Variants in TYW3 observed in about 807,000 individuals in gnomAD.
TYW3 encodes tRNA wybutosine-synthesizing protein 3 homolog.
Under a neutral mutation model 23.1 loss-of-function variants are expected in TYW3, and 26 were observed. The ratio of observed to expected loss-of-function variants is 1.13; its 90% CI spans 0.83 to 1.56. The LOEUF (loss-of-function observed/expected upper bound fraction) is 1.56, where lower values mean the gene tolerates loss of function less well. Ranked by LOEUF, TYW3 falls within the 40% of genes most tolerant of loss-of-function variation. The pLI, the probability that TYW3 is intolerant of heterozygous loss-of-function variation, is 0.00. For synonymous variants in TYW3, 102 were observed against 105.7 expected (o/e 0.97, Z 0.21); for missense variants, 316 against 311.9 (o/e 1.01, Z -0.10).
rs575813978 is a variant in TYW3 at position 74,747,609 on chromosome 1, C to A, written c.355-1142C>A. 1.6e-3 allele frequency among the ~76,000 whole-genome samples: 241 copies of A among 147,906 alleles called. 1 individual carries two copies. The highest frequency in any genetic ancestry group is 5.8e-3 in the African/African-American group (233 of 40,120). The stretch of plus-strand genomic sequence containing the variant: ...CCGAGATCCCGCCACTGCACTCCAG[C>A]CTGGGCGACAGAGCGAGACTCCGTC... On this transcript the variant is annotated intron_variant, in intron 3 of 5. Transcript: ENST00000370867.
chr1:74,733,339 A>C lies in TYW3; in HGVS notation c.95A>C (p.Glu32Ala), dbSNP rs143670067. Residue 32 changes from glutamate (E) to alanine (A), a missense_variant, in exon 1 of 6, where the codon GAG becomes GCG. Physicochemically the swap from Glu to Ala is moderately radical, Grantham distance 107. Coordinates refer to ENST00000370867, the MANE Select transcript of TYW3 (RefSeq NM_138467.3). The part of the protein sequence containing the change: ...RKGSVDEDVV[E>A]LVQFLNMRDQ... ...GGCAGTGTTGACGAGGATGTGGTAG[A>C]GCTTGTGCAGTTTCTGAACATGCGA... is the stretch of plus-strand genomic sequence containing the variant. 2.8e-3 allele frequency: 4,501 copies of C among 1,614,160 alleles called. 3 individuals are homozygous for C. The highest frequency in any genetic ancestry group is 3.4e-3 in the Non-Finnish European group (4,044 of 1,180,018).
In TYW3 at chr1:74,733,338, G is replaced by C. The variant is rs770407032; in HGVS notation, c.94G>C (p.Glu32Gln). 3.2e-5 allele frequency: 52 copies of C among 1,614,110 alleles called. No homozygotes were observed. Among genetic ancestry groups the C allele is most frequent in the Admixed American group, 1.3e-4 (8 of 60,008 alleles). The part of the protein sequence containing the change: ...RKGSVDEDVV[E>Q]LVQFLNMRDQ... The stretch of plus-strand genomic sequence containing the variant: ...GGGCAGTGTTGACGAGGATGTGGTA[G>C]AGCTTGTGCAGTTTCTGAACATGCG... The change falls in exon 1 of 6, where the codon GAG becomes CAG. Residue 32 changes from glutamate to glutamine, a missense_variant. By Grantham distance (29) the Glu-to-Gln change is conservative. Transcript: ENST00000370867.
chr1:74,736,183 A>C (rs962506641), intron 1 of TYW3: 1 of 156,534 alleles, frequency 6.4e-6, no homozygotes, highest in African/African-American at 2.4e-5. Flanking sequence ...AAAAGAAATT[A>C]AAATTATTTT....
At chr1:74,737,211 CT>C (rs796516050) in intron 2 of TYW3, among the ~76,000 whole-genome samples, 9 of 152,282 alleles carry the variant, frequency 5.9e-5, no homozygotes, top group African/African-American at 2.2e-4. Context: ...TCAAGTATTG[CT>C]GGTTCAGATG....
chr1:74,756,506 T>C (rs1029856294), intron 5 of TYW3, among the ~76,000 whole-genome samples: 2 of 152,134 alleles, frequency 1.3e-5, no homozygotes, highest in Admixed American at 6.5e-5. Flanking sequence ...TCGAGACTTG[T>C]GGAACTTTGA....
chr1:74,760,054 A>G (rs1294563454), intron 5 of TYW3, among the ~76,000 whole-genome samples: 4 of 152,234 alleles, frequency 2.6e-5, no homozygotes, highest in African/African-American at 4.8e-5. Flanking sequence ...TGTTATATAT[A>G]TTGTGTACTG....
chr1:74,745,202 T>C (rs1166017591), intron 3 of TYW3, among the ~76,000 whole-genome samples: 2 of 152,232 alleles, frequency 1.3e-5, no homozygotes, highest in Middle Eastern at 3.2e-3. Flanking sequence ...ATAAGGGTAG[T>C]GTGGGCCCAA....
chr1:74,736,042 A>T (rs1055806589), intron 1 of TYW3: 6 of 152,256 alleles, frequency 3.9e-5, no homozygotes, highest in African/African-American at 1.4e-4. Context: ...TCAGGACTAC[A>T]TCTAAAGTCT....
In TYW3 at chr1:74,742,877, C is replaced by T. The variant is rs190472252; in HGVS notation, c.354+4089C>T. Among the ~76,000 whole-genome samples, 272 of 152,240 alleles carry T rather than the reference C, an allele frequency of 1.8e-3. 1 individual carries two copies. Among genetic ancestry groups the T allele is most frequent in the African/African-American group, 3.6e-3 (150 of 41,516 alleles). On this transcript the variant is annotated intron_variant, in intron 3 of 5. Coordinates refer to ENST00000370867, the MANE Select transcript of TYW3 (RefSeq NM_138467.3). ...TGTCCCAGGATTCCTTGGATGGTAA[C>T]GGACCTTGAGGACAACTCCCTGAGA... is the stretch of plus-strand genomic sequence containing the variant.
chr1:74,748,142 G>GACAACTTA (rs111464282), intron 3 of TYW3, among the ~76,000 whole-genome samples: 103,476 of 151,216 alleles, frequency 0.68, 35,531 homozygotes, highest in East Asian at 0.78. Context: ...CTTGAGTTGT[G>GACAACTTA]ACAACCAAAA....
intron 5 of TYW3, among the ~76,000 whole-genome samples, chr1:74,754,762 G>T (rs561727188): frequency 6.6e-6 from 1 of 152,216 alleles, no homozygotes. Context: ...CTTCTTATGG[G>T]AAGAGACTTA....
At position 74,738,714 on chromosome 1, in the gene TYW3, G is replaced by C; in HGVS notation, c.280G>C (p.Gly94Arg). ...DVIVALKKAN[G>R]DATLKFEPFV... ...GATTGTAGCTCTGAAGAAAGCAAAT[G>C]GTGATGCCACTTTGAAATTTGAACC... The change falls in exon 3 of 6, where the codon GGT (glycine) becomes CGT (arginine). Residue 94 changes from glycine (G) to arginine (R), a missense_variant. By Grantham distance (125) the Gly-to-Arg change is moderately radical. Coordinates refer to ENST00000370867, the MANE Select transcript of TYW3 (RefSeq NM_138467.3). The C allele has an allele frequency of 6.2e-7, 1 of 1,608,306 alleles. No homozygotes were observed. Among genetic ancestry groups the C allele is most frequent in the Non-Finnish European group, 8.5e-7 (1 of 1,175,734 alleles).
At chr1:74,734,491 TAAGGA>T (rs1648065110) in intron 1 of TYW3, among the ~76,000 whole-genome samples, 1 of 152,204 alleles carries the variant, frequency 6.6e-6, no homozygotes, top group South Asian at 2.1e-4. Context: ...TGAAAGTTCT[TAAGGA>T]AAGACTTAAG....
At position 74,736,579 on chromosome 1, in the gene TYW3, G is replaced by C; in HGVS notation, c.212G>C (p.Cys71Ser). 1 of 1,603,554 alleles carries C rather than the reference G, an allele frequency of 6.2e-7. No individual in the cohort carries two copies. The highest frequency in any genetic ancestry group is 8.5e-7 in the Non-Finnish European group (1 of 1,174,866). Residue 71 changes from cysteine (C) to serine (S), a missense_variant, in exon 2 of 6, where the codon TGC (cysteine) becomes TCC (serine). Coordinates refer to ENST00000370867, the MANE Select transcript of TYW3 (RefSeq NM_138467.3). Reference protein sequence around the residue: ...NGFEVQKQNCCWLLVTHKLCV... With the variant: ...NGFEVQKQNCSWLLVTHKLCV... ...TTTGAGGTTCAGAAACAAAACTGTT[G>C]CTGGCTACTGGTTACACACAAACTT... is the stretch of plus-strand genomic sequence containing the variant.
chr1:74,735,448 TCTGTA>T (rs1648119801), intron 1 of TYW3, among the ~76,000 whole-genome samples: 1 of 152,208 alleles, frequency 6.6e-6, no homozygotes, highest in South Asian at 2.1e-4. Flanking sequence ...AATGACTGCT[TCTGTA>T]CTGGTTAGAC....
intron 5 of TYW3, among the ~76,000 whole-genome samples, chr1:74,754,890 A>G (rs1490839428): frequency 6.6e-6 from 1 of 152,094 alleles, no homozygotes; most frequent in East Asian, 1.9e-4. Flanking sequence ...CAGATGTAGG[A>G]AGACAATTCA....
At chr1:74,741,499 C>T (rs1039527306) in intron 3 of TYW3, among the ~76,000 whole-genome samples, 1 of 152,034 alleles carries the variant, frequency 6.6e-6, no homozygotes, top group Admixed American at 6.6e-5. Context: ...AGAGGATTAC[C>T]GAGTATGGTC....
At chr1:74,740,952 T>C (rs1407687668) in intron 3 of TYW3, among the ~76,000 whole-genome samples, 1 of 152,022 alleles carries the variant, frequency 6.6e-6, no homozygotes, top group Non-Finnish European at 1.5e-5. Context: ...CAACTGCTGC[T>C]GGGAATTTGG....
intron 3 of TYW3, 52 bp from the exon 4 acceptor site, chr1:74,748,699 A>T (rs1019338899): frequency 6.4e-7 from 1 of 1,551,498 alleles, no homozygotes; most frequent in Non-Finnish European, 8.9e-7. Context: ...AGCCAAACAG[A>T]TGATCTGGTT....
Sources: gnomAD v4.1 joint callset for allele counts (sites outside exome capture counted in the v4.1 genomes callset) on GRCh38, gnomAD v4.1.1 for gene constraint, MANE v1.5 for transcripts, NCBI Gene and HGNC (gene_info 2026-07-23, HGNC 2026-07-21) for gene names.